PPP4R4: variants seen among roughly 807,000 people sequenced by gnomAD.
The protein encoded by PPP4R4 is serine/threonine-protein phosphatase 4 regulatory subunit 4.
In PPP4R4, 70 loss-of-function variants were observed where a neutral mutation model predicts 121.8. The ratio of observed to expected loss-of-function variants is 0.57; its 90% CI spans 0.47 to 0.70. The LOEUF (loss-of-function observed/expected upper bound fraction) is 0.70, where lower values mean the gene tolerates loss of function less well. Ranked by LOEUF, PPP4R4 falls within the 30% of genes least tolerant of loss-of-function variation. The pLI, the probability that PPP4R4 is intolerant of heterozygous loss-of-function variation, is 0.00. For synonymous variants in PPP4R4, 348 were observed against 355.7 expected (o/e 0.98, Z 0.24); for missense variants, 875 against 1,033.6 (o/e 0.85, Z 2.10).
At chr14:94,208,414 A>G (rs757757925) in intron 2 of PPP4R4, 50 bp from the exon 3 acceptor site, 1 of 1,358,820 alleles carries the variant, frequency 7.4e-7, no homozygotes, top group Non-Finnish European at 1.0e-6. Context: ...AACTGTGCAG[A>G]GGAATTCAGC....
chr14:94,256,210 T>C (rs959464545), intron 16 of PPP4R4, among the ~76,000 whole-genome samples: 1 of 152,174 alleles, frequency 6.6e-6, no homozygotes, highest in African/African-American at 2.4e-5. Flanking sequence ...AGATTTTACT[T>C]GTTTCTTTTC....
intron 2 of PPP4R4, among the ~76,000 whole-genome samples, chr14:94,193,158 C>CT (rs985822886): frequency 4.7e-5 from 7 of 149,860 alleles, no homozygotes; most frequent in Non-Finnish European, 7.4e-5. Context: ...TGAGGACAAA[C>CT]TTTTTTTTTT....
chr14:94,238,072 A>G (rs946277240), intron 8 of PPP4R4, among the ~76,000 whole-genome samples: 2 of 152,208 alleles, frequency 1.3e-5, no homozygotes, highest in African/African-American at 4.8e-5. Context: ...GAGGGAACAA[A>G]AGAAGCTGAC....
chr14:94,272,057 TACTC>T (rs2139662345), intron 23 of PPP4R4, among the ~76,000 whole-genome samples: 1 of 152,324 alleles, frequency 6.6e-6, no homozygotes, highest in East Asian at 1.9e-4. Context: ...TTGCTAGAAA[TACTC>T]AATATTGTCA....
In PPP4R4 at chr14:94,266,996, G is replaced by T; in HGVS notation, c.2416G>T (p.Gly806Trp). The change falls in exon 23 of 25, where the codon GGG (glycine) becomes TGG (tryptophan). Residue 806 changes from glycine to tryptophan, a missense_variant. By Grantham distance (184) the Gly-to-Trp change is radical. Coordinates refer to ENST00000304338, the MANE Select transcript of PPP4R4 (RefSeq NM_058237.2). ...STTGYTTSVS[G>W]LGKTSVLSLA... ...AACAGGATATACAACTTCTGTCTCA[G>T]GGTTAGGAAAGACTTCTGTGCTTTC... is the stretch of plus-strand genomic sequence containing the variant. The T allele has an allele frequency of 6.3e-7, 1 of 1,598,852 alleles. No homozygotes were observed. Among genetic ancestry groups the T allele is most frequent in the South Asian group, 1.1e-5 (1 of 90,196 alleles).
intron 23 of PPP4R4, among the ~76,000 whole-genome samples, chr14:94,273,084 T>A (rs372720175): frequency 2.6e-5 from 4 of 152,306 alleles, no homozygotes; most frequent in African/African-American, 7.2e-5. Flanking sequence ...AGTTTGGTAG[T>A]TTCTTACAAA....
At chr14:94,235,456 G>A (rs1278496811) in intron 7 of PPP4R4, among the ~76,000 whole-genome samples, 1 of 133,798 alleles carries the variant, frequency 7.5e-6, no homozygotes, top group Non-Finnish European at 1.5e-5. Context: ...CTGGAGTGCA[G>A]TGGCGCGATC....
chr14:94,261,766 A>G (rs1452638620), intron 19 of PPP4R4, among the ~76,000 whole-genome samples: 1 of 151,984 alleles, frequency 6.6e-6, no homozygotes, highest in Non-Finnish European at 1.5e-5. Flanking sequence ...AGGAGTTTTT[A>G]TGAATGGTTG....
intron 3 of PPP4R4, among the ~76,000 whole-genome samples, chr14:94,224,519 A>G (rs1891589376): frequency 6.6e-6 from 1 of 152,178 alleles, no homozygotes; most frequent in Non-Finnish European, 1.5e-5. Context: ...ATAAAAAACC[A>G]ATAGTATCAA....
At chr14:94,185,935 T>C (rs1209481196) in intron 2 of PPP4R4, among the ~76,000 whole-genome samples, 1 of 152,188 alleles carries the variant, frequency 6.6e-6, no homozygotes, top group East Asian at 1.9e-4. Context: ...GCCACTGGTA[T>C]CTCTTTGCAG....
At chr14:94,262,306 A>AT (rs1399729449) in intron 19 of PPP4R4, among the ~76,000 whole-genome samples, 2 of 151,946 alleles carry the variant, frequency 1.3e-5, no homozygotes, top group African/African-American at 4.8e-5. Context: ...TTTACATGTT[A>AT]TTTAAACTGA....
chr14:94,183,271 C>A (rs1422745675), intron 2 of PPP4R4, among the ~76,000 whole-genome samples: 1 of 152,084 alleles, frequency 6.6e-6, no homozygotes, highest in Non-Finnish European at 1.5e-5. Context: ...AAAAATTGCC[C>A]ACGTTGTCAT....
At chr14:94,211,283 A>G (rs927192815) in intron 3 of PPP4R4, among the ~76,000 whole-genome samples, 3 of 152,194 alleles carry the variant, frequency 2.0e-5, no homozygotes, top group East Asian at 3.8e-4. Flanking sequence ...TATAATGGTC[A>G]TTTGTGATAA....
intron 3 of PPP4R4, among the ~76,000 whole-genome samples, chr14:94,225,545 C>G (rs1891649784): frequency 6.6e-6 from 1 of 152,224 alleles, no homozygotes; most frequent in Admixed American, 6.5e-5. Context: ...TTAAGTAAGA[C>G]TCTACTGCCA....
rs1211685602 is a variant in PPP4R4 at position 94,257,709 on chromosome 14, TTAA to T, written c.2011-1071_2011-1069del. 5.3e-5 allele frequency among the ~76,000 whole-genome samples: 8 copies of T among 151,578 alleles called. No homozygotes were observed. The East Asian group carries it at 1.5e-3, about 29-fold the overall frequency. ...TACCAGACAGTTCCTTCCTTACTATTTAATATTTAAGTATAGAAGTTTAGGCAA... is the reference window on the plus strand; with the variant it reads ...TACCAGACAGTTCCTTCCTTACTATTTATTTAAGTATAGAAGTTTAGGCAA... On this transcript the variant is annotated intron_variant, in intron 17 of 24. Transcript: ENST00000304338.
chr14:94,246,701 C>A (rs1892913143), intron 14 of PPP4R4, among the ~76,000 whole-genome samples, 162 bp downstream of exon 14: 1 of 152,156 alleles, frequency 6.6e-6, no homozygotes, highest in Non-Finnish European at 1.5e-5. Context: ...TCAGGTTTCC[C>A]TTTGCCTCCC....
At chr14:94,228,833 A>C (rs1891862285) in intron 3 of PPP4R4, among the ~76,000 whole-genome samples, 1 of 152,140 alleles carries the variant, frequency 6.6e-6, no homozygotes, top group African/African-American at 2.4e-5. Context: ...AAACAAATAA[A>C]TATGTTGTGT....
intron 2 of PPP4R4, among the ~76,000 whole-genome samples, chr14:94,192,221 G>GT (rs1889641445): frequency 6.6e-6 from 1 of 152,070 alleles, no homozygotes; most frequent in African/African-American, 2.4e-5. Flanking sequence ...TTAAGGCAAT[G>GT]TTTTAAAGAT....
intron 2 of PPP4R4, among the ~76,000 whole-genome samples, chr14:94,204,010 G>C (rs1450014463): frequency 2.6e-5 from 4 of 152,038 alleles, no homozygotes; most frequent in Non-Finnish European, 5.9e-5. Context: ...CTTTTACAGG[G>C]TCTTTCACAA....
Sources: allele counts gnomAD v4.1 joint callset (sites outside exome capture counted in the v4.1 genomes callset), GRCh38; gene constraint gnomAD v4.1.1; transcripts MANE v1.5; gene names NCBI Gene and HGNC (gene_info 2026-07-23, HGNC 2026-07-21).